The following PGRMC2 variants were observed in gnomAD, a reference collection of about 807,000 sequenced individuals.
The protein encoded by PGRMC2 is progesterone receptor membrane component 2.
Under a neutral mutation model 19.3 loss-of-function variants are expected in PGRMC2, and 9 were observed. That is an observed-to-expected ratio of 0.47 (90% CI 0.28 to 0.81). PGRMC2 has a LOEUF of 0.81. Ranked by LOEUF, PGRMC2 falls within the 40% of genes least tolerant of loss-of-function variation. The probability of loss-of-function intolerance (pLI) is 0.11; values close to 1 mark genes in which losing one functional copy is unlikely to be tolerated. For synonymous variants in PGRMC2, 157 were observed against 124.6 expected, an observed-to-expected ratio of 1.26 and a Z score of -1.73; for missense variants, 289 against 297.3, an observed-to-expected ratio of 0.97 and a Z score of 0.21.
At chr4:128,274,690 TA>T (rs963636557) in intron 1 of PGRMC2, among the ~76,000 whole-genome samples, 44 of 151,630 alleles carry the variant, frequency 2.9e-4, no homozygotes, top group East Asian at 1.9e-3. Context: ...GAAACAATGA[TA>T]AAAAAAATCT....
In PGRMC2 at chr4:128,287,687, G is replaced by A; in HGVS notation, c.104C>T (p.Ala35Val). The change falls in exon 1 of 3, where the codon GCG becomes GTG. Residue 35 changes from alanine to valine, a missense_variant. By Grantham distance (64) the Ala-to-Val change is moderately conservative. Coordinates refer to ENST00000296425, the MANE Select transcript of PGRMC2 (RefSeq NM_006320.6). ...CGCCGCCGCCCAGCCTCCCCCTTCCGCTGCCGCTCCCGCGTCGCCTGGACT... is the reference window on the plus strand; with the variant it reads ...CGCCGCCGCCCAGCCTCCCCCTTCCACTGCCGCTCCCGCGTCGCCTGGACT... ...SESPGDAGAAAEGGGWAAAAL... is the reference protein window; with the variant it reads ...SESPGDAGAAVEGGGWAAAAL... 3 of 1,526,910 alleles carry A rather than the reference G, an allele frequency of 2.0e-6. No homozygotes were observed. The highest frequency in any genetic ancestry group is 2.6e-6 in the Non-Finnish European group (3 of 1,138,010). 94.6% of individuals were successfully genotyped at this position (1,526,910 alleles called of 1,614,324 possible).
chr4:128,272,102 T>C (rs34929996), intron 2 of PGRMC2, among the ~76,000 whole-genome samples: 5,006 of 152,266 alleles, frequency 0.033, 262 homozygotes, highest in African/African-American at 0.11. Context: ...AGCTATTTTT[T>C]GCAATTTCTT....
intron 1 of PGRMC2, among the ~76,000 whole-genome samples, chr4:128,285,989 C>A (rs1481617017): frequency 6.6e-6 from 1 of 151,822 alleles, no homozygotes; most frequent in African/African-American, 2.4e-5. Flanking sequence ...TAATTCAACA[C>A]CAAAAATCTC....
intron 1 of PGRMC2, chr4:128,286,930 C>T (rs1760992297): frequency 2.6e-5 from 10 of 389,168 alleles, no homozygotes; most frequent in Admixed American, 2.2e-4. Flanking sequence ...TTACAGAGCC[C>T]AAAACTTTAG....
chr4:128,286,958 G>C (rs1413454977), intron 1 of PGRMC2: 2 of 381,638 alleles, frequency 5.2e-6, no homozygotes, highest in Non-Finnish European at 4.6e-6. Context: ...CCCAACTTCA[G>C]AAATCTCCCT....
At chr4:128,280,253 C>T (rs915299609) in intron 1 of PGRMC2, among the ~76,000 whole-genome samples, 4 of 137,388 alleles carry the variant, frequency 2.9e-5, no homozygotes, top group Non-Finnish European at 4.6e-5. Flanking sequence ...GATTAAGAGA[C>T]ATTAAGAATA....
chr4:128,271,495 T>A, intron 2 of PGRMC2, 82 bp from the exon 3 acceptor site: 1 of 660,616 alleles, frequency 1.5e-6, no homozygotes, highest in Non-Finnish European at 2.7e-6. Context: ...CATTTGTCTG[T>A]TTTAGAATCA....
intron 1 of PGRMC2, among the ~76,000 whole-genome samples, chr4:128,284,931 T>C (rs1345119435): frequency 1.3e-5 from 2 of 152,222 alleles, no homozygotes; most frequent in African/African-American, 4.8e-5. Flanking sequence ...TTAAGGTTCC[T>C]TTCAATAATA....
chr4:128,270,100 C>T lies in PGRMC2; in HGVS notation c.*1216G>A, dbSNP rs887661768. On this transcript the variant is annotated 3_prime_UTR_variant, in exon 3 of 3. Transcript: ENST00000296425. ...AATCTTACAACTGTATCATAATGCA[C>T]TGGCTTACAGTTCTGTATATAAAGT... The T allele has an allele frequency of 1.3e-5, 2 of 152,348 alleles. No individual in the cohort carries two copies. Among genetic ancestry groups the T allele is most frequent in the African/African-American group, 2.4e-5 (1 of 41,180 alleles). 9.4% of individuals were successfully genotyped at this position (152,348 alleles called of 1,614,324 possible).
rs3796499 is a variant in PGRMC2 at position 128,282,657 on chromosome 4, A to G, written c.418+4716T>C. ...ATAGATGCATATGGGCATTAGCCCAAACAACAAAGCCAGTTGGCTTCAAAG... is the reference window on the plus strand; with the variant it reads ...ATAGATGCATATGGGCATTAGCCCAGACAACAAAGCCAGTTGGCTTCAAAG... On this transcript the variant is annotated intron_variant, in intron 1 of 2. Coordinates refer to ENST00000296425, the MANE Select transcript of PGRMC2 (RefSeq NM_006320.6). Among the ~76,000 whole-genome samples the G allele has an allele frequency of 9.5e-3, 1,451 of 152,364 alleles. 33 individuals are homozygous for G. The highest frequency in any genetic ancestry group is 0.085 in the East Asian group (441 of 5,188).
intron 1 of PGRMC2, among the ~76,000 whole-genome samples, chr4:128,275,919 G>T (rs757737277): frequency 2.0e-5 from 3 of 152,120 alleles, no homozygotes; most frequent in Non-Finnish European, 4.4e-5. Flanking sequence ...TAGAGACAAG[G>T]TCTCCCTATG....
rs369538489 is a variant in PGRMC2, at chr4:128,287,510, G to C, written c.281C>G (p.Ser94Cys). The change falls in exon 1 of 3, where the codon TCT (serine) becomes TGT (cysteine). Residue 94 changes from serine to cysteine, a missense_variant. Coordinates refer to ENST00000296425, the MANE Select transcript of PGRMC2 (RefSeq NM_006320.6). ...AGAGEESPAT[S>C]LPRMKKRDFS... ...GTCCCGCTTCTTCATGCGAGGCAGAGAGGTGGCGGGGCTCTCCTCGCCCGC... is the reference window on the plus strand; with the variant it reads ...GTCCCGCTTCTTCATGCGAGGCAGACAGGTGGCGGGGCTCTCCTCGCCCGC... The C allele has an allele frequency of 3.1e-6, 5 of 1,609,854 alleles. No individual in the cohort carries two copies. Among genetic ancestry groups the C allele is most frequent in the East Asian group, 4.5e-5 (2 of 44,698 alleles).
In PGRMC2 at chr4:128,287,589, C is replaced by A; in HGVS notation, c.202G>T (p.Ala68Ser). The A allele has an allele frequency of 3.7e-6, 5 of 1,346,708 alleles. No individual in the cohort carries two copies. The highest frequency in any genetic ancestry group is 3.9e-5 in the East Asian group (1 of 25,654). The allele number at this position is 1,346,708 out of a possible 1,614,324, so 83.4% of individuals were successfully genotyped here. Residue 68 changes from alanine to serine, a missense_variant, in exon 1 of 3, where the codon GCC becomes TCC. Physicochemically the swap from Ala to Ser is moderately conservative, Grantham distance 99. Coordinates refer to ENST00000296425, the MANE Select transcript of PGRMC2 (RefSeq NM_006320.6). ...CCCCAGCGCACCCACAGCCGGTAGG[C>A]CCCCAGCAGCACCAGAGCCACCAGC... ...VALVALVLLGAYRLWVRWGRR... is the reference protein window; with the variant it reads ...VALVALVLLGSYRLWVRWGRR...
Position 128,270,838 on chromosome 4 carries a change from C to A in PGRMC2, c.*478G>T, listed in dbSNP as rs1034540391. On this transcript the variant is annotated 3_prime_UTR_variant, in exon 3 of 3. Transcript: ENST00000296425. ...CCTGAACAACTCAAATTGATGTGTA[C>A]CCCCACCTCCCCTGATCAGGTCGCC... 1 of 152,352 alleles carries A rather than the reference C, an allele frequency of 6.6e-6. No homozygotes were observed. The highest frequency in any genetic ancestry group is 2.4e-5 in the African/African-American group (1 of 41,548). 9.4% of individuals were successfully genotyped at this position (152,352 alleles called of 1,614,324 possible). A position where few individuals can be genotyped will look rare whatever the true frequency, so the allele number is the denominator to read the frequency against.
In PGRMC2 at chr4:128,287,554, A is replaced by T. The variant is rs769224020; in HGVS notation, c.237T>A (p.Gly79=). ...CGCCCGCCCCGGCCCCGGCCCCCAG[A>T]CCCCGCCGCCCCCAGCGCACCCACA... The part of the protein sequence containing the change: ...YRLWVRWGRR[G]LGAGAGAGEE... Residue 79 remains glycine, a synonymous_variant, in exon 1 of 3, where the codon GGT becomes GGA. Transcript: ENST00000296425. 2 of 924,836 alleles carry T rather than the reference A, an allele frequency of 2.2e-6. No individual in the cohort carries two copies. Among genetic ancestry groups the T allele is most frequent in the Non-Finnish European group, 3.0e-6 (2 of 673,026 alleles). 57.3% of individuals were successfully genotyped at this position (924,836 alleles called of 1,614,324 possible). A position where few individuals can be genotyped will look rare whatever the true frequency, so the allele number is the denominator to read the frequency against.
intron 1 of PGRMC2, chr4:128,286,630 A>C (rs947670068): frequency 2.5e-5 from 10 of 398,626 alleles, no homozygotes; most frequent in Non-Finnish European, 3.5e-5. Flanking sequence ...TGCTGGGTAT[A>C]GGAGCTCCAC....
At chr4:128,273,865 G>C (rs1190095665) in intron 1 of PGRMC2, among the ~76,000 whole-genome samples, 1 of 152,184 alleles carries the variant, frequency 6.6e-6, no homozygotes, top group African/African-American at 2.4e-5. Context: ...TTTACTGCAT[G>C]GAACTAGAAG....
intron 1 of PGRMC2, among the ~76,000 whole-genome samples, chr4:128,282,751 GT>G (rs1561617794): frequency 6.6e-6 from 1 of 152,214 alleles, no homozygotes; most frequent in Non-Finnish European, 1.5e-5. Context: ...GTAAGATTGG[GT>G]CCAGTTTTTA....
At chr4:128,277,867 C>T (rs751156291) in intron 1 of PGRMC2, among the ~76,000 whole-genome samples, 4 of 152,184 alleles carry the variant, frequency 2.6e-5, no homozygotes, top group East Asian at 1.9e-4. Context: ...CAACAAGTCT[C>T]GATTTCCATA....
Sources: gnomAD v4.1 joint callset for allele counts (sites outside exome capture counted in the v4.1 genomes callset) on GRCh38, gnomAD v4.1.1 for gene constraint, MANE v1.5 for transcripts, NCBI Gene and HGNC (gene_info 2026-07-23, HGNC 2026-07-21) for gene names.